The following HNRNPM variants were observed in gnomAD, a reference collection of about 807,000 sequenced individuals.
HNRNPM encodes the protein heterogeneous nuclear ribonucleoprotein M, also known as CEA receptor.
A neutral mutation model predicts 73.1 loss-of-function variants in HNRNPM; 11 were observed. The ratio of observed to expected loss-of-function variants is 0.15; its 90% CI spans 0.09 to 0.25. The LOEUF (loss-of-function observed/expected upper bound fraction) is 0.25, where lower values mean the gene tolerates loss of function less well. Ranked by LOEUF, HNRNPM falls within the 10% of genes least tolerant of loss-of-function variation. The pLI is 1.00. For missense variants in HNRNPM, 789 were observed against 1,067.9 expected, an observed-to-expected ratio of 0.74 and a Z score of 3.64; for synonymous variants, 407 against 355.2, an observed-to-expected ratio of 1.15 and a Z score of -1.64.
chr19:8,446,830 C>G (rs1968223145), intron 1 of HNRNPM, among the ~76,000 whole-genome samples: 4 of 152,120 alleles, frequency 2.6e-5, no homozygotes, highest in Admixed American at 2.6e-4. Context: ...GTTACTGGCC[C>G]TTAGAAATGA....
At chr19:8,458,535 C>T (rs972876467) in intron 2 of HNRNPM, among the ~76,000 whole-genome samples, 3 of 152,242 alleles carry the variant, frequency 2.0e-5, no homozygotes, top group African/African-American at 4.8e-5. Flanking sequence ...CAGCCGGCAG[C>T]ACCCAGGTGG....
intron 1 of HNRNPM, among the ~76,000 whole-genome samples, chr19:8,454,008 G>C (rs1215928801): frequency 6.6e-6 from 1 of 152,196 alleles, no homozygotes; most frequent in Non-Finnish European, 1.5e-5. Flanking sequence ...TCCCAGGGTT[G>C]CTCAGACCCA....
Position 8,473,649 on chromosome 19 carries a change from CTT to C in HNRNPM, c.998-11_998-10del, listed in dbSNP as rs907839003. On this transcript the variant is annotated splice_polypyrimidine_tract_variant and intron_variant, in intron 10 of 15. Transcript: ENST00000325495. ...TTGACATAATTTTAGTTTGCATTGA[CTT>C]TTTCTTTTTAAGGAATGGGAATGGA... is the stretch of plus-strand genomic sequence containing the variant. 4 of 1,533,422 alleles carry C rather than the reference CTT, an allele frequency of 2.6e-6. No homozygotes were observed. Among genetic ancestry groups the C allele is most frequent in the African/African-American group, 2.7e-5 (2 of 72,958 alleles). The allele number at this position is 1,533,422 out of a possible 1,614,324, so 95.0% of individuals were successfully genotyped here.
intron 1 of HNRNPM, among the ~76,000 whole-genome samples, chr19:8,453,949 G>A (rs1043650588): frequency 1.3e-5 from 2 of 152,192 alleles, no homozygotes; most frequent in Non-Finnish European, 2.9e-5. Context: ...CAGAAAAGCA[G>A]CCACCCTTCT....
intron 13 of HNRNPM, among the ~76,000 whole-genome samples, chr19:8,484,228 G>A (rs1971114424): frequency 6.9e-6 from 1 of 145,228 alleles, no homozygotes; most frequent in African/African-American, 2.6e-5. Context: ...CCAGGCTAGA[G>A]TGCAGTGGCA....
intron 7 of HNRNPM, among the ~76,000 whole-genome samples, chr19:8,467,140 C>A (rs1390031055): frequency 6.6e-6 from 1 of 152,090 alleles, no homozygotes; most frequent in Non-Finnish European, 1.5e-5. Flanking sequence ...GAGAGTACCC[C>A]ACAGGAGCAC....
At position 8,468,852 on chromosome 19, in the gene HNRNPM, T is replaced by C. The variant is rs368027868; in HGVS notation, c.895+18T>C. Reference sequence around the variant, plus strand: ...ACTTCCCCGTAAGTGTTTCAGTGATTAGGGCTGAGAGTTTGAATTGGAGTT... The same window carrying C: ...ACTTCCCCGTAAGTGTTTCAGTGATCAGGGCTGAGAGTTTGAATTGGAGTT... On this transcript the variant is annotated intron_variant, in intron 9 of 15. Transcript: ENST00000325495. 6.3e-7 allele frequency: 1 copy of C among 1,597,084 alleles called. No homozygotes were observed. The highest frequency in any genetic ancestry group is 8.6e-7 in the Non-Finnish European group (1 of 1,164,546).
intron 6 of HNRNPM, 105 bp from the exon 7 acceptor site, chr19:8,466,130 C>T: frequency 1.8e-6 from 2 of 1,123,394 alleles, no homozygotes; most frequent in Non-Finnish European, 2.6e-6. Flanking sequence ...GACATTATTT[C>T]CTAATACTTT....
intron 1 of HNRNPM, among the ~76,000 whole-genome samples, chr19:8,454,449 A>G (rs1968848105): frequency 6.6e-6 from 1 of 152,156 alleles, no homozygotes; most frequent in Admixed American, 6.5e-5. Context: ...TTGCATGGAT[A>G]GTCCGTGTTT....
At chr19:8,466,425 G>T in intron 7 of HNRNPM, 37 bp downstream of exon 7, 3 of 1,605,094 alleles carry the variant, frequency 1.9e-6, no homozygotes, top group South Asian at 1.1e-5. Flanking sequence ...TGAACAGTTT[G>T]ACCTAAATTG....
At chr19:8,478,325 TTTG>T (rs1367163974) in intron 12 of HNRNPM, among the ~76,000 whole-genome samples, 2 of 152,144 alleles carry the variant, frequency 1.3e-5, no homozygotes, top group Non-Finnish European at 2.9e-5. Context: ...GTGTATACAT[TTTG>T]TTTTGTTTTT....
intron 6 of HNRNPM, among the ~76,000 whole-genome samples, chr19:8,465,881 T>C (rs986549046): frequency 1.3e-5 from 2 of 152,156 alleles, no homozygotes; most frequent in African/African-American, 4.8e-5. Context: ...ACCTCCACCA[T>C]CTGCAAGGGG....
In HNRNPM at chr19:8,466,329, A is replaced by G. The variant is rs745750822; in HGVS notation, c.725A>G (p.Lys242Arg). 1.2e-5 allele frequency: 20 copies of G among 1,614,084 alleles called. No homozygotes were observed. Among genetic ancestry groups the G allele is most frequent in the Non-Finnish European group, 1.7e-5 (20 of 1,180,042 alleles). ...RADILEDKDG[K>R]SRGIGTVTFE... Reference sequence around the variant, plus strand: ...GACATTCTTGAAGATAAAGATGGAAAAAGTCGTGGAATAGGCACTGTTACT... The same window carrying G: ...GACATTCTTGAAGATAAAGATGGAAGAAGTCGTGGAATAGGCACTGTTACT... Residue 242 changes from lysine (K) to arginine (R), a missense_variant, in exon 7 of 16, where the codon AAA becomes AGA. Lys to Arg is a conservative substitution (Grantham distance 26). This residue lies in a region of HNRNPM where 604 missense variants were observed against 744.0 expected (regional missense o/e 0.81). Transcript: ENST00000325495.
chr19:8,458,077 A>T (rs1969144474), intron 2 of HNRNPM, among the ~76,000 whole-genome samples: 1 of 152,230 alleles, frequency 6.6e-6, no homozygotes, highest in South Asian at 2.1e-4. Flanking sequence ...GCAGCCTCTC[A>T]GAACTAAAGT....
At chr19:8,463,736 C>T in intron 5 of HNRNPM, 50 bp downstream of exon 5, 2 of 1,267,686 alleles carry the variant, frequency 1.6e-6, no homozygotes, top group Non-Finnish European at 2.3e-6. Flanking sequence ...GTTGAGTGAT[C>T]CTACTTTGGA....
rs2277988 is a variant in HNRNPM, at chr19:8,487,327, C to T, written c.2029+252C>T. 6.3e-4 allele frequency: 291 copies of T among 462,480 alleles called. 1 individual carries two copies. The East Asian group carries it at 0.012, about 19-fold the overall frequency. 28.6% of individuals were successfully genotyped at this position (462,480 alleles called of 1,614,324 possible). On this transcript the variant is annotated intron_variant, in intron 15 of 15. Coordinates refer to ENST00000325495, the MANE Select transcript of HNRNPM (RefSeq NM_005968.5). ...GTCTTTGAAACAAGGTAGTAGTGTC[C>T]CCATTTCACAGATGAGTCAGGCAGA...
chr19:8,486,415 T>A lies in HNRNPM; in HGVS notation c.1977+10T>A. ...GATATTTGTGAGAAATGTAAGTGGC[T>A]CTTGGGGAACTTCTTGGTGGTGGTG... On this transcript the variant is annotated intron_variant, in intron 14 of 15. Transcript: ENST00000325495. The A allele has an allele frequency of 2.6e-6, 4 of 1,547,778 alleles. No homozygotes were observed. Among genetic ancestry groups the A allele is most frequent in the Non-Finnish European group, 3.5e-6 (4 of 1,153,914 alleles).
rs758079684 is a variant in HNRNPM at position 8,486,267 on chromosome 19, CGGT to C, written c.1842_1844del (p.Gly616del). On this transcript the variant is annotated inframe_deletion, in exon 14 of 16. Transcript: ENST00000325495. ...AGCGCATGGGCCTGGCCATGGGTGG[CGGT>C]GGCGGTGCCAGCTTTGACCGTGCCA... 1.2e-5 allele frequency: 19 copies of C among 1,601,992 alleles called. No homozygotes were observed. In the African/African-American group the frequency reaches 1.5e-4, roughly 12 times the overall value.
intron 12 of HNRNPM, among the ~76,000 whole-genome samples, chr19:8,479,102 T>TTCC (rs869174996): frequency 2.8e-5 from 4 of 143,990 alleles, no homozygotes; most frequent in African/African-American, 1.1e-4. Context: ...TTTTTTTTTT[T>TTCC]CAAGACAGAG....
Sources: gnomAD v4.1 joint callset for allele counts (sites outside exome capture counted in the v4.1 genomes callset) on GRCh38, gnomAD v4.1.1 for gene constraint, gnomAD v4.1.1 regional missense constraint, MANE v1.5 for transcripts, NCBI Gene and HGNC (gene_info 2026-07-23, HGNC 2026-07-21) for gene names.